TRIM24: variants seen among roughly 807,000 people sequenced by gnomAD.
TRIM24 encodes tripartite motif containing 24.
TRIM24 carries 29 observed loss-of-function variants against 123.9 expected under a neutral mutation model. The observed-to-expected ratio is 0.23, with a 90% CI of 0.17 to 0.32. The LOEUF (loss-of-function observed/expected upper bound fraction) is 0.32, where lower values mean the gene tolerates loss of function less well. Ranked by LOEUF, TRIM24 falls within the 10% of genes least tolerant of loss-of-function variation. The probability of loss-of-function intolerance (pLI) is 1.00; values close to 1 mark genes in which losing one functional copy is unlikely to be tolerated. For missense variants in TRIM24, 932 were observed against 1,295.3 expected, an observed-to-expected ratio of 0.72 and a Z score of 4.31; for synonymous variants, 456 against 461.1, an observed-to-expected ratio of 0.99 and a Z score of 0.14.
At chr7:138,512,814 C>G (rs900432149) in intron 2 of TRIM24, among the ~76,000 whole-genome samples, 6 of 152,164 alleles carry the variant, frequency 3.9e-5, no homozygotes, top group African/African-American at 1.4e-4. Context: ...CCCCCAGTTT[C>G]TGCAGCCTGC....
chr7:138,518,997 A>C (rs1164385665), intron 3 of TRIM24, among the ~76,000 whole-genome samples, 192 bp from the exon 4 acceptor site: 1 of 152,058 alleles, frequency 6.6e-6, no homozygotes, highest in African/African-American at 2.4e-5. Context: ...AAGGTTATTT[A>C]CTTTTTTTTT....
At chr7:138,479,957 T>TA (rs1361322975) in intron 1 of TRIM24, among the ~76,000 whole-genome samples, 3 of 151,936 alleles carry the variant, frequency 2.0e-5, no homozygotes, top group African/African-American at 7.3e-5. Context: ...CAGCTGGGAT[T>TA]ACAGACATGC....
chr7:138,508,412 A>C (rs1796195102), intron 2 of TRIM24, among the ~76,000 whole-genome samples: 1 of 152,178 alleles, frequency 6.6e-6, no homozygotes, highest in African/African-American at 2.4e-5. Flanking sequence ...GTTAATGGCC[A>C]TTAATGATCA....
intron 1 of TRIM24, among the ~76,000 whole-genome samples, chr7:138,477,950 G>A (rs914162181): frequency 3.3e-5 from 5 of 152,160 alleles, no homozygotes; most frequent in African/African-American, 1.2e-4. Context: ...GTTTGCTGCT[G>A]ATTTAGTGAT....
chr7:138,567,705 T>C (rs748177205), intron 10 of TRIM24, 51 bp downstream of exon 10: 1 of 1,495,786 alleles, frequency 6.7e-7, no homozygotes, highest in Non-Finnish European at 8.9e-7. Context: ...CTTTCTACTT[T>C]CAAATCACAA....
intron 1 of TRIM24, among the ~76,000 whole-genome samples, chr7:138,470,192 G>A (rs926748492): frequency 1.5e-5 from 2 of 131,698 alleles, no homozygotes; most frequent in Non-Finnish European, 3.1e-5. Flanking sequence ...GTGCAGTGGT[G>A]TGATCTTGGC....
At chr7:138,579,757 C>A (rs2116689932) in intron 15 of TRIM24, among the ~76,000 whole-genome samples, 1 of 152,186 alleles carries the variant, frequency 6.6e-6, no homozygotes, top group Non-Finnish European at 1.5e-5. Context: ...CCCTGTCTGT[C>A]TGTACAAAAT....
At chr7:138,553,954 G>A (rs896433014) in intron 8 of TRIM24, among the ~76,000 whole-genome samples, 2 of 152,158 alleles carry the variant, frequency 1.3e-5, no homozygotes, top group African/African-American at 4.8e-5. Flanking sequence ...CAGTGGAAGT[G>A]GGCTGGACAG....
At chr7:138,551,247 G>A (rs1045913663) in intron 8 of TRIM24, 67 bp downstream of exon 8, 3 of 1,357,352 alleles carry the variant, frequency 2.2e-6, no homozygotes, top group South Asian at 1.2e-5. Flanking sequence ...ATTATGACAT[G>A]TTACTGAAAA....
intron 1 of TRIM24, chr7:138,461,153 T>C (rs763220354): frequency 3.0e-5 from 21 of 700,560 alleles, no homozygotes; most frequent in African/African-American, 3.0e-4. Context: ...CCGCCGCCGC[T>C]GCTCCGCATT....
chr7:138,515,896 A>G (rs1796383793), intron 3 of TRIM24, among the ~76,000 whole-genome samples: 1 of 152,364 alleles, frequency 6.6e-6, no homozygotes, highest in Admixed American at 6.5e-5. Context: ...TAACTACTAA[A>G]TGTACAATTC....
chr7:138,549,681 G>A (rs529247315), intron 7 of TRIM24, among the ~76,000 whole-genome samples: 2 of 152,276 alleles, frequency 1.3e-5, no homozygotes, highest in East Asian at 3.9e-4. Flanking sequence ...GAGTTTTGCT[G>A]CAAAAGAAAT....
chr7:138,582,052 G>A (rs1355950803), intron 17 of TRIM24, among the ~76,000 whole-genome samples: 1 of 151,986 alleles, frequency 6.6e-6, no homozygotes, highest in African/African-American at 2.4e-5. Flanking sequence ...TGTATTTCAG[G>A]AGTTTTAGGC....
intron 1 of TRIM24, among the ~76,000 whole-genome samples, chr7:138,464,758 T>G (rs1484681738): frequency 6.6e-6 from 1 of 152,166 alleles, no homozygotes; most frequent in Non-Finnish European, 1.5e-5. Flanking sequence ...CTTTTTAGAT[T>G]TCAAAAACTG....
chr7:138,473,410 A>G (rs770919976), intron 1 of TRIM24, among the ~76,000 whole-genome samples: 7 of 152,242 alleles, frequency 4.6e-5, no homozygotes, highest in Admixed American at 1.3e-4. Context: ...AATGCCTTAC[A>G]TTAAGAAACA....
intron 1 of TRIM24, among the ~76,000 whole-genome samples, chr7:138,470,084 T>G (rs1451391578): frequency 6.6e-6 from 1 of 151,770 alleles, no homozygotes; most frequent in Non-Finnish European, 1.5e-5. Flanking sequence ...ATTTCGATAC[T>G]GCAGACTCTG....
chr7:138,506,834 G>T (rs1432226159), intron 2 of TRIM24, among the ~76,000 whole-genome samples: 3 of 152,194 alleles, frequency 2.0e-5, no homozygotes. Flanking sequence ...TGGTGAGGAT[G>T]GAGACTGGAG....
Position 138,460,573 on chromosome 7 carries a change from G to A in TRIM24, c.25G>A (p.Val9Met). Residue 9 changes from valine to methionine, a missense_variant, in exon 1 of 19, where the codon GTG becomes ATG. By Grantham distance (21) the Val-to-Met change is conservative. This residue lies in a region of TRIM24 where 164 missense variants were observed against 181.9 expected (regional missense o/e 0.90). Coordinates refer to ENST00000343526, the MANE Select transcript of TRIM24 (RefSeq NM_015905.3). Reference sequence around the variant, plus strand: ...AATGGAGGTGGCGGTGGAGAAGGCGGTGGCGGCGGCGGCAGCGGCCTCGGC... The same window carrying A: ...AATGGAGGTGGCGGTGGAGAAGGCGATGGCGGCGGCGGCAGCGGCCTCGGC... MEVAVEKA[V>M]AAAAAASAAA... 1 of 1,314,930 alleles carries A rather than the reference G, an allele frequency of 7.6e-7. No homozygotes were observed. Among genetic ancestry groups the A allele is most frequent in the Non-Finnish European group, 9.6e-7 (1 of 1,042,570 alleles). 81.5% of individuals were successfully genotyped at this position (1,314,930 alleles called of 1,614,324 possible). A position where few individuals can be genotyped will look rare whatever the true frequency, so the allele number is the denominator to read the frequency against.
At position 138,548,206 on chromosome 7, in the gene TRIM24, T is replaced by C. The variant is rs567252859; in HGVS notation, c.1144-2857T>C. On this transcript the variant is annotated intron_variant, in intron 7 of 18. Coordinates refer to ENST00000343526, the MANE Select transcript of TRIM24 (RefSeq NM_015905.3). ...GATATACTTACACAAACCTAGATGG[T>C]TTACTCTTTTGCTCTGATCTGTACA... is the stretch of plus-strand genomic sequence containing the variant. Among the ~76,000 whole-genome samples the C allele has an allele frequency of 2.0e-4, 31 of 152,264 alleles. No homozygotes were observed. In the South Asian group the frequency reaches 6.4e-3, roughly 32 times the overall value.
Sources: allele counts gnomAD v4.1 joint callset (sites outside exome capture counted in the v4.1 genomes callset), GRCh38; gene constraint gnomAD v4.1.1; regional missense constraint gnomAD v4.1.1; transcripts MANE v1.5; gene names NCBI Gene and HGNC (gene_info 2026-07-23, HGNC 2026-07-21).